CHODL: variants seen among roughly 807,000 people sequenced by gnomAD.
CHODL encodes the protein transmembrane protein MT75.
A neutral mutation model predicts 34.5 loss-of-function variants in CHODL; 29 were observed. The observed-to-expected ratio is 0.84, with a 90% CI of 0.63 to 1.15. The LOEUF is 1.15. Among genes scored for constraint, CHODL ranks in the 50% most tolerant of loss-of-function variants. The pLI is 0.00. For missense variants in CHODL, 332 were observed against 332.5 expected (o/e 1.00, Z 0.01); for synonymous variants, 125 against 116.1 (o/e 1.08, Z -0.49).
At chr21:18,108,539 G>A (rs2065303578) in intron 2 of CHODL, among the ~76,000 whole-genome samples, 1 of 152,156 alleles carries the variant, frequency 6.6e-6, no homozygotes, top group South Asian at 2.1e-4. Context: ...TGACTCTAAT[G>A]ACTGATCTGA....
chr21:17,974,919 TTATA>T (rs886082324), intron 1 of CHODL, among the ~76,000 whole-genome samples: 4 of 147,952 alleles, frequency 2.7e-5, no homozygotes, highest in African/African-American at 9.8e-5. Context: ...AAAATGTACT[TTATA>T]TATATATATA....
At chr21:17,939,929 T>C (rs935516655) in intron 1 of CHODL, among the ~76,000 whole-genome samples, 2 of 152,216 alleles carry the variant, frequency 1.3e-5, no homozygotes, top group Non-Finnish European at 2.9e-5. Context: ...AGGGTGTACA[T>C]TGATGCAACC....
At chr21:18,174,157 A>ATATATATATATATATATG (rs1555879240) in intron 2 of CHODL, among the ~76,000 whole-genome samples, 13 of 88,218 alleles carry the variant, frequency 1.5e-4, no homozygotes, top group East Asian at 1.2e-3. Flanking sequence ...ATATATATAT[A>ATATATATATATATATATG]TATAAAATCA....
At chr21:18,051,848 A>G (rs2064520205) in intron 2 of CHODL, among the ~76,000 whole-genome samples, 1 of 151,986 alleles carries the variant, frequency 6.6e-6, no homozygotes, top group Admixed American at 6.6e-5. Context: ...GGAACCTGAA[A>G]AAGAATCTTG....
In CHODL at chr21:18,260,281, A is replaced by G. The variant is rs1345170965; in HGVS notation, c.629A>G (p.Glu210Gly). Residue 210 changes from glutamate to glycine, a missense_variant, in exon 4 of 6, where the codon GAA (glutamate) becomes GGA (glycine). Glu to Gly is a moderately conservative substitution (Grantham distance 98). Coordinates refer to ENST00000299295, the MANE Select transcript of CHODL (RefSeq NM_024944.3). ...GDTHQNVVVT[E>G]AGIIPNLIYV... ...ACCCATCAGAATGTGGTTGTTACTGAAGCAGGTAATTACTTCATGTGTCTT... is the reference window on the plus strand; with the variant it reads ...ACCCATCAGAATGTGGTTGTTACTGGAGCAGGTAATTACTTCATGTGTCTT... The G allele has an allele frequency of 6.3e-7, 1 of 1,579,890 alleles. No homozygotes were observed. Among genetic ancestry groups the G allele is most frequent in the Non-Finnish European group, 8.6e-7 (1 of 1,163,096 alleles).
chr21:18,204,158 C>T (rs529790836), intron 2 of CHODL, among the ~76,000 whole-genome samples: 8 of 152,106 alleles, frequency 5.3e-5, no homozygotes, highest in South Asian at 2.1e-4. Context: ...TACTGCTTAA[C>T]GTGATAGCTA....
At chr21:17,946,622 A>G (rs563327060) in intron 1 of CHODL, among the ~76,000 whole-genome samples, 7 of 151,952 alleles carry the variant, frequency 4.6e-5, no homozygotes, top group Middle Eastern at 3.4e-3. Context: ...TGATGGTTAT[A>G]TTCTTTTACT....
intron 2 of CHODL, among the ~76,000 whole-genome samples, chr21:18,194,251 C>A (rs2073554015): frequency 6.6e-6 from 1 of 152,172 alleles, no homozygotes; most frequent in African/African-American, 2.4e-5. Context: ...AATTGAGATT[C>A]TTCAATGGTT....
At chr21:17,958,159 TA>T in intron 1 of CHODL, among the ~76,000 whole-genome samples, 1 of 152,310 alleles carries the variant, frequency 6.6e-6, no homozygotes, top group Non-Finnish European at 1.5e-5. Context: ...TAATTTGGTT[TA>T]TTTTTTTACT....
At chr21:17,931,696 A>G (rs1399883562) in intron 1 of CHODL, among the ~76,000 whole-genome samples, 2 of 151,988 alleles carry the variant, frequency 1.3e-5, no homozygotes, top group African/African-American at 4.8e-5. Context: ...GATATCTTAA[A>G]AAAAGACAGG....
intron 5 of CHODL, among the ~76,000 whole-genome samples, chr21:18,264,853 G>A (rs1457731758): frequency 2.0e-5 from 3 of 152,024 alleles, no homozygotes; most frequent in African/African-American, 7.2e-5. Flanking sequence ...ATTGGTTTCA[G>A]AGACTGAGGC....
At chr21:17,950,534 A>C (rs543947558) in intron 1 of CHODL, among the ~76,000 whole-genome samples, 458 of 117,928 alleles carry the variant, frequency 3.9e-3, no homozygotes, top group Non-Finnish European at 5.9e-3. Flanking sequence ...ACACACACAC[A>C]CTTCTTTAAA....
At chr21:18,163,850 T>C (rs182115777) in intron 2 of CHODL, among the ~76,000 whole-genome samples, 4 of 152,326 alleles carry the variant, frequency 2.6e-5, no homozygotes, top group Admixed American at 2.0e-4. Context: ...GCAAGAGTAC[T>C]GATCAATCAA....
intron 2 of CHODL, among the ~76,000 whole-genome samples, chr21:18,162,247 AG>A (rs2073103602): frequency 6.6e-6 from 1 of 152,222 alleles, no homozygotes; most frequent in Non-Finnish European, 1.5e-5. Context: ...GGAGGCTAAA[AG>A]CCCAACATCA....
chr21:18,192,877 AAAG>A (rs1386163124), intron 2 of CHODL, among the ~76,000 whole-genome samples: 1 of 151,382 alleles, frequency 6.6e-6, no homozygotes, highest in Non-Finnish European at 1.5e-5. Context: ...TATGAAAAGA[AAAG>A]AAAGAGATTA....
At position 18,087,296 on chromosome 21, in the gene CHODL, A is replaced by G. The variant is rs558484025; in HGVS notation, c.-45+59325A>G. Among the ~76,000 whole-genome samples the G allele has an allele frequency of 2.0e-5, 3 of 151,618 alleles. No individual in the cohort carries two copies. In the South Asian group the frequency reaches 6.3e-4, roughly 32 times the overall value. ...CAGGGAAATGGATATTGTCTGAGGT[A>G]CTCATAGGAGAGTCCACTTTCCTTG... is the stretch of plus-strand genomic sequence containing the variant. On this transcript the variant is annotated intron_variant, in intron 2 of 6. Transcript: ENST00000400127.
chr21:18,168,161 G>A (rs1237767873), intron 2 of CHODL, among the ~76,000 whole-genome samples: 3 of 152,200 alleles, frequency 2.0e-5, no homozygotes, highest in Non-Finnish European at 4.4e-5. Context: ...AGGCTGCCCT[G>A]TTGGCTTCAC....
intron 2 of CHODL, among the ~76,000 whole-genome samples, chr21:18,125,187 A>G (rs1225276498): frequency 6.6e-6 from 1 of 152,252 alleles, no homozygotes; most frequent in Non-Finnish European, 1.5e-5. Flanking sequence ...AAAGTACTTT[A>G]GAGCACTGCT....
At chr21:17,967,114 A>G (rs2063578725) in intron 1 of CHODL, among the ~76,000 whole-genome samples, 1 of 151,688 alleles carries the variant, frequency 6.6e-6, no homozygotes. Context: ...CGAACTCTTG[A>G]CCTCTAGTGA....
Sources: gnomAD v4.1 joint callset for allele counts (sites outside exome capture counted in the v4.1 genomes callset) on GRCh38, gnomAD v4.1.1 for gene constraint, MANE v1.5 for transcripts, NCBI Gene and HGNC (gene_info 2026-07-23, HGNC 2026-07-21) for gene names.